Variants in UGGT2 observed in about 807,000 individuals in gnomAD.
UGGT2 encodes the protein UDP-glucose:glycoprotein glucosyltransferase 2.
A neutral mutation model predicts 192.1 loss-of-function variants in UGGT2; 180 were observed. The observed-to-expected ratio is 0.94, with a 90% CI of 0.83 to 1.06. The LOEUF is 1.06. Ranked by LOEUF, UGGT2 falls within the 50% of genes least tolerant of loss-of-function variation. UGGT2 has a pLI of 0.00. For missense variants in UGGT2, 1,849 were observed against 1,795.7 expected (o/e 1.03, Z -0.54); for synonymous variants, 580 against 591.0 (o/e 0.98, Z 0.27).
chr13:95,808,659 A>G (rs1039902438), intron 38 of UGGT2, among the ~76,000 whole-genome samples: 1 of 152,186 alleles, frequency 6.6e-6, no homozygotes, highest in African/African-American at 2.4e-5. Context: ...TAATATCCGG[A>G]GGCAAAATTT....
In UGGT2 at chr13:95,884,597, T is replaced by C. The variant is rs770584966; in HGVS notation, c.3122A>G (p.Asp1041Gly). 6.2e-7 allele frequency: 1 copy of C among 1,613,980 alleles called. No individual in the cohort carries two copies. Among genetic ancestry groups the C allele is most frequent in the South Asian group, 1.1e-5 (1 of 91,066 alleles). ...GATTAGGAGGGGTGATTCAGGAATA[T>C]CCAAAAATTTTGCCACTGGTCCAAG... is the stretch of plus-strand genomic sequence containing the variant. ...SSLGPVAKFL[D>G]IPESPLLILN... Residue 1041 changes from aspartate to glycine, a missense_variant, in exon 27 of 39, where the codon GAT becomes GGT. By Grantham distance (94) the Asp-to-Gly change is moderately conservative (BLOSUM62 -1). Coordinates refer to ENST00000376747, the MANE Select transcript of UGGT2 (RefSeq NM_020121.4).
At chr13:96,035,687 T>C (rs2052980547) in intron 1 of UGGT2, among the ~76,000 whole-genome samples, 1 of 152,092 alleles carries the variant, frequency 6.6e-6, no homozygotes, top group East Asian at 1.9e-4. Context: ...ATGCAAAGTC[T>C]ATAAGGAACT....
chr13:95,873,602 T>TCTCTCTGCCTGACTCCTCTTC (rs1386629559), intron 29 of UGGT2, among the ~76,000 whole-genome samples: 36 of 152,308 alleles, frequency 2.4e-4, no homozygotes, highest in Non-Finnish European at 3.8e-4. Flanking sequence ...GCTCTCTCTT[T>TCTCTCTGCCTGACTCCTCTTC]CTCTCTGCCT....
At chr13:95,953,306 T>C (rs1045582930) in intron 12 of UGGT2, among the ~76,000 whole-genome samples, 4 of 152,244 alleles carry the variant, frequency 2.6e-5, no homozygotes, top group African/African-American at 9.6e-5. Flanking sequence ...TTATATACTT[T>C]AGTATTCCGT....
chr13:95,849,915 C>T (rs1030052708), intron 36 of UGGT2, among the ~76,000 whole-genome samples: 9 of 111,672 alleles, frequency 8.1e-5, no homozygotes, highest in African/African-American at 2.6e-4. Flanking sequence ...CTTATTGGTA[C>T]ACTGTTTTTT....
In UGGT2 at chr13:95,950,822, G is replaced by A. The variant is rs190721193; in HGVS notation, c.1336-1368C>T. On this transcript the variant is annotated intron_variant, in intron 12 of 38. Transcript: ENST00000376747. ...GGGTGGGTTTAATTGCAGACTGTACGCAGAAGAGACAGGGATTAGTAAACG... is the reference window on the plus strand; with the variant it reads ...GGGTGGGTTTAATTGCAGACTGTACACAGAAGAGACAGGGATTAGTAAACG... Among the ~76,000 whole-genome samples, 183 of 152,088 alleles carry A rather than the reference G, an allele frequency of 1.2e-3. 1 individual carries two copies. The highest frequency in any genetic ancestry group is 1.5e-3 in the Non-Finnish European group (105 of 67,984).
At chr13:95,854,199 A>T in intron 35 of UGGT2, 116 bp downstream of exon 35, 2 of 1,103,358 alleles carry the variant, frequency 1.8e-6, no homozygotes, top group East Asian at 4.9e-5. Flanking sequence ...ACACTATGTA[A>T]TTGGTTGCTT....
At chr13:96,038,467 TA>T (rs2053069103) in intron 1 of UGGT2, among the ~76,000 whole-genome samples, 1 of 152,144 alleles carries the variant, frequency 6.6e-6, no homozygotes, top group Non-Finnish European at 1.5e-5. Context: ...AGGAAGACTG[TA>T]AAAGAATGAT....
At chr13:95,834,131 T>A (rs1887020399) in intron 37 of UGGT2, among the ~76,000 whole-genome samples, 1 of 152,176 alleles carries the variant, frequency 6.6e-6, no homozygotes, top group African/African-American at 2.4e-5. Flanking sequence ...GTGAAGATAA[T>A]GGGACTAATT....
At chr13:95,905,930 G>C (rs2048277437) in intron 20 of UGGT2, among the ~76,000 whole-genome samples, 1 of 152,114 alleles carries the variant, frequency 6.6e-6, no homozygotes, top group Non-Finnish European at 1.5e-5. Flanking sequence ...TACCCTTACT[G>C]TTCCATAAAG....
intron 38 of UGGT2, 117 bp downstream of exon 38, chr13:95,832,810 C>T (rs1886868293): frequency 1.4e-6 from 2 of 1,459,912 alleles, no homozygotes; most frequent in Non-Finnish European, 1.9e-6. Flanking sequence ...ATGCCACAGA[C>T]TTTCTTAAAG....
At chr13:95,815,370 A>G (rs1412069837) in intron 38 of UGGT2, among the ~76,000 whole-genome samples, 2 of 152,236 alleles carry the variant, frequency 1.3e-5, no homozygotes, top group Non-Finnish European at 2.9e-5. Context: ...TAAGAACTCT[A>G]CTAGAACTAA....
intron 26 of UGGT2, 114 bp from the exon 27 acceptor site, chr13:95,884,794 G>T: frequency 9.8e-7 from 1 of 1,018,742 alleles, no homozygotes; most frequent in Non-Finnish European, 1.4e-6. Context: ...CAATCAAAAA[G>T]ACTAAGATGC....
chr13:95,986,239 G>T, intron 9 of UGGT2, 94 bp downstream of exon 9: 1 of 855,754 alleles, frequency 1.2e-6, no homozygotes, highest in Non-Finnish European at 1.9e-6. Context: ...AGAACTAATT[G>T]ACACCTTCAT....
chr13:95,918,715 A>C (rs2048754358), intron 20 of UGGT2, among the ~76,000 whole-genome samples: 1 of 152,102 alleles, frequency 6.6e-6, no homozygotes, highest in African/African-American at 2.4e-5. Context: ...CAAGTTCTGA[A>C]ACTGAGGCAG....
At chr13:95,820,633 G>A (rs1158284980) in intron 38 of UGGT2, among the ~76,000 whole-genome samples, 1 of 151,986 alleles carries the variant, frequency 6.6e-6, no homozygotes, top group African/African-American at 2.4e-5. Flanking sequence ...AGCTTTTGGG[G>A]TGCAAGTGGT....
At chr13:95,813,880 C>T (rs1884690426) in intron 38 of UGGT2, among the ~76,000 whole-genome samples, 1 of 152,200 alleles carries the variant, frequency 6.6e-6, no homozygotes, top group African/African-American at 2.4e-5. Context: ...CTGGCTCCAG[C>T]ATCGGCTAAA....
intron 5 of UGGT2, among the ~76,000 whole-genome samples, chr13:96,000,528 T>A (rs1482063520): frequency 6.6e-6 from 1 of 152,254 alleles, no homozygotes; most frequent in Non-Finnish European, 1.5e-5. Context: ...TACAGTAATC[T>A]GACAAAGATG....
At chr13:95,932,507 T>C (rs1013788671) in intron 17 of UGGT2, among the ~76,000 whole-genome samples, 8 of 152,192 alleles carry the variant, frequency 5.3e-5, no homozygotes, top group African/African-American at 1.9e-4. Context: ...GTGGAGTCTT[T>C]AGGGTTTTCT....
Sources: allele counts gnomAD v4.1 joint callset (sites outside exome capture counted in the v4.1 genomes callset), GRCh38; gene constraint gnomAD v4.1.1; transcripts MANE v1.5; gene names NCBI Gene and HGNC (gene_info 2026-07-23, HGNC 2026-07-21).